The following SLC9A1 variants were observed in gnomAD, a reference collection of about 807,000 sequenced individuals.
SLC9A1 encodes solute carrier family 9 member A1.
A neutral mutation model predicts 67.9 loss-of-function variants in SLC9A1; 22 were observed. The ratio of observed to expected loss-of-function variants is 0.32; its 90% CI spans 0.23 to 0.46. SLC9A1 has a LOEUF of 0.46. SLC9A1 is among the 20% of genes least tolerant of loss of function. SLC9A1 has a pLI of 1.00. For synonymous variants in SLC9A1, 421 were observed against 471.8 expected, an observed-to-expected ratio of 0.89 and a Z score of 1.40; for missense variants, 686 against 1,094.8, an observed-to-expected ratio of 0.63 and a Z score of 5.27.
rs1436403454 is a variant in SLC9A1 at position 27,100,379 on chromosome 1, C to T, written c.2376G>A (p.Gln792=). The T allele has an allele frequency of 6.3e-7, 1 of 1,590,412 alleles. No individual in the cohort carries two copies. Residue 792 remains glutamine (Q), a synonymous_variant, in exon 12 of 12, where the codon CAG becomes CAA. Transcript: ENST00000263980. The surrounding 1 kb of genome is among the most constrained non-coding windows in gnomAD (Gnocchi z 5.6). ...GTGGGCCTGGGTCACTGAGGCAGCG[C>T]TGTATCCTCTGGGAGCTGGGGCTGT... ...PSDSPSSQRI[Q]RCLSDPGPHP...
Position 27,100,597 on chromosome 1 carries a change from C to A in SLC9A1, c.2158G>T (p.Asp720Tyr). The A allele has an allele frequency of 6.2e-7, 1 of 1,613,428 alleles. No homozygotes were observed. Among genetic ancestry groups the A allele is most frequent in the Non-Finnish European group, 8.5e-7 (1 of 1,179,604 alleles). ...TCGGGTGACTGCGGGGAAGCCGGGT[C>A]GATGGTGATGACAGGCAGGTCCTCC... ...PKEDLPVITI[D>Y]PASPQSPESV... The change falls in exon 12 of 12, where the codon GAC becomes TAC. Residue 720 changes from aspartate (D) to tyrosine (Y), a missense_variant. Coordinates refer to ENST00000263980, the MANE Select transcript of SLC9A1 (RefSeq NM_003047.5). The surrounding 1 kb of genome is among the most constrained non-coding windows in gnomAD (Gnocchi z 5.6).
rs77160319 is a variant in SLC9A1 at position 27,108,689 on chromosome 1, C to T, written c.1065-824G>A. ...CGTCTCAAATAAAAAAATGAGAGAT[C>T]TGACTCTAAGAGAAATAGTCACCTC... is the stretch of plus-strand genomic sequence containing the variant. On this transcript the variant is annotated intron_variant, in intron 3 of 11. Coordinates refer to ENST00000263980, the MANE Select transcript of SLC9A1 (RefSeq NM_003047.5). Among the ~76,000 whole-genome samples the T allele has an allele frequency of 7.8e-3, 1,179 of 152,118 alleles. 14 individuals are homozygous for T. Among genetic ancestry groups the T allele is most frequent in the African/African-American group, 0.023 (959 of 41,504 alleles).
intron 2 of SLC9A1, among the ~76,000 whole-genome samples, chr1:27,110,024 T>C (rs2083217269): frequency 1.3e-5 from 2 of 152,234 alleles, no homozygotes; most frequent in Admixed American, 6.5e-5. Context: ...GTGAAGACCC[T>C]GAAGCCAAAC....
intron 1 of SLC9A1, among the ~76,000 whole-genome samples, chr1:27,119,471 T>C (rs2083292230): frequency 6.6e-6 from 1 of 152,154 alleles, no homozygotes; most frequent in African/African-American, 2.4e-5. Context: ...AGTTGCACAA[T>C]GATTCCATTT....
chr1:27,121,044 T>C (rs1277790160), intron 1 of SLC9A1, among the ~76,000 whole-genome samples: 4 of 152,114 alleles, frequency 2.6e-5, no homozygotes, highest in African/African-American at 9.7e-5. Context: ...CTGCAATAAA[T>C]ATGCCTCCCC....
chr1:27,143,683 G>A (rs1348011953), intron 1 of SLC9A1, among the ~76,000 whole-genome samples: 2 of 152,156 alleles, frequency 1.3e-5, no homozygotes, highest in Non-Finnish European at 1.5e-5. Context: ...AGATGAAATC[G>A]ACAGATAGGG....
chr1:27,125,404 C>A (rs1044620939), intron 1 of SLC9A1, among the ~76,000 whole-genome samples: 1 of 150,268 alleles, frequency 6.7e-6, no homozygotes, highest in African/African-American at 2.5e-5. Flanking sequence ...TGCTACCACA[C>A]CTGGCCAATT....
chr1:27,122,793 C>T (rs2083312985), intron 1 of SLC9A1, among the ~76,000 whole-genome samples: 1 of 152,226 alleles, frequency 6.6e-6, no homozygotes, highest in Non-Finnish European at 1.5e-5. Flanking sequence ...TTGCCCCTCC[C>T]CCTGCAGGAA....
rs374974858 is a variant in SLC9A1 at position 27,102,100 on chromosome 1, C to A, written c.1851G>T (p.Glu617Asp). The A allele has an allele frequency of 2.8e-5, 45 of 1,613,930 alleles. No individual in the cohort carries two copies. Among genetic ancestry groups the A allele is most frequent in the Non-Finnish European group, 4.2e-6 (5 of 1,179,986 alleles). Residue 617 changes from glutamate to aspartate, a missense_variant, in exon 9 of 12, where the codon GAG becomes GAT. Physicochemically the swap from Glu to Asp is conservative, Grantham distance 45 (BLOSUM62 2). Coordinates refer to ENST00000263980, the MANE Select transcript of SLC9A1 (RefSeq NM_003047.5). ...QNIHPKSLPS[E>D]RILPALSKDK... ...CCTTGGACAGTGCTGGCAGGATGCGCTCGGAAGGCAGGGACTTGGGGTGGA... is the reference window on the plus strand; with the variant it reads ...CCTTGGACAGTGCTGGCAGGATGCGATCGGAAGGCAGGGACTTGGGGTGGA...
Position 27,106,204 on chromosome 1 carries a change from C to A in SLC9A1, c.1283-117G>T, listed in dbSNP as rs1034965650. The A allele has an allele frequency of 5.3e-5, 36 of 683,026 alleles. No homozygotes were observed. In the African/African-American group the frequency reaches 5.9e-4, roughly 11 times the overall value. 42.3% of individuals were successfully genotyped at this position (683,026 alleles called of 1,614,324 possible). A position where few individuals can be genotyped will look rare whatever the true frequency, so the allele number is the denominator to read the frequency against. The stretch of plus-strand genomic sequence containing the variant: ...GAAGTCTCCATTACGAAGCCCACCC[C>A]GCTCACTCAATTCCTGGGTCCCTCA... On this transcript the variant is annotated intron_variant, in intron 4 of 11. Coordinates refer to ENST00000263980, the MANE Select transcript of SLC9A1 (RefSeq NM_003047.5). This position sits in a 1 kb window ranked among gnomAD's most constrained non-coding sequence, Gnocchi z 4.3.
At chr1:27,102,642 T>C (rs1475925480) in intron 7 of SLC9A1, 31 bp downstream of exon 7, 17 of 1,612,484 alleles carry the variant, frequency 1.1e-5, no homozygotes, top group Non-Finnish European at 1.4e-5. Context: ...TGCCTGCCCC[T>C]CCCTGCCTGC....
chr1:27,148,286 G>A (rs916357651), intron 1 of SLC9A1, among the ~76,000 whole-genome samples: 1 of 152,224 alleles, frequency 6.6e-6, no homozygotes, highest in African/African-American at 2.4e-5. Context: ...CCTCCTTCAT[G>A]CAAATACAGG....
intron 1 of SLC9A1, among the ~76,000 whole-genome samples, chr1:27,123,768 C>G (rs957381476): frequency 3.2e-4 from 48 of 152,086 alleles, no homozygotes; most frequent in African/African-American, 1.1e-3. Flanking sequence ...GCCTTGGCGT[C>G]CCAAAGTGCT....
At chr1:27,119,819 G>A (rs1417365284) in intron 1 of SLC9A1, among the ~76,000 whole-genome samples, 1 of 152,180 alleles carries the variant, frequency 6.6e-6, no homozygotes, top group African/African-American at 2.4e-5. Flanking sequence ...TGTGAGCCTA[G>A]GACTAAAGAG....
At position 27,114,189 on chromosome 1, in the gene SLC9A1, G is replaced by T. The variant is rs1467569903; in HGVS notation, c.450C>A (p.Gly150=). 1.9e-6 allele frequency: 3 copies of T among 1,613,932 alleles called. No individual in the cohort carries two copies. The African/African-American group carries it at 4.0e-5, about 22-fold the overall frequency. The part of the protein sequence containing the change: ...LLVGGLIKGV[G]ETPPFLQSDV... ...CGGACTGCAGGAAGGGGGGTGTCTC[G>T]CCTACACCCTTGATCAGGCCCCCCA... Residue 150 remains glycine (G), a synonymous_variant, in exon 2 of 12, where the codon GGC becomes GGA. Coordinates refer to ENST00000263980, the MANE Select transcript of SLC9A1 (RefSeq NM_003047.5). This position sits in a 1 kb window ranked among gnomAD's most constrained non-coding sequence, Gnocchi z 5.4.
At chr1:27,126,868 C>A (rs184116525) in intron 1 of SLC9A1, among the ~76,000 whole-genome samples, 1 of 152,326 alleles carries the variant, frequency 6.6e-6, no homozygotes, top group East Asian at 1.9e-4. Context: ...ACACTAAGCT[C>A]CAGCTGAATT....
At position 27,102,480 on chromosome 1, in the gene SLC9A1, G is replaced by T; in HGVS notation, c.1725C>A (p.Ala575=). The T allele has an allele frequency of 6.2e-7, 1 of 1,611,388 alleles. No homozygotes were observed. Among genetic ancestry groups the T allele is most frequent in the Non-Finnish European group, 8.5e-7 (1 of 1,178,158 alleles). ...GCTTCATCTCCATCTTGTGGTAGAAGGCAATGAGCTGGGGCTCCTTGGAGC... is the reference window on the plus strand; with the variant it reads ...GCTTCATCTCCATCTTGTGGTAGAATGCAATGAGCTGGGGCTCCTTGGAGC... ...GERSKEPQLI[A]FYHKMEMKQA... The change falls in exon 8 of 12, where the codon GCC becomes GCA. Residue 575 remains alanine (A), a synonymous_variant. Transcript: ENST00000263980.
rs892776040 is a variant in SLC9A1, at chr1:27,118,255, C to T, written c.353-3969G>A. 3.9e-5 allele frequency among the ~76,000 whole-genome samples: 6 copies of T among 152,166 alleles called. No homozygotes were observed. The South Asian group carries it at 6.2e-4, about 16-fold the overall frequency. Reference sequence around the variant, plus strand: ...TCTGGGCCTGAGGGGAGGGCCGGGCCGGGCCAGGCTGAGGAGAAAGGTCTG... The same window carrying T: ...TCTGGGCCTGAGGGGAGGGCCGGGCTGGGCCAGGCTGAGGAGAAAGGTCTG... On this transcript the variant is annotated intron_variant, in intron 1 of 11. Transcript: ENST00000263980. The surrounding 1 kb of genome is among the most constrained non-coding windows in gnomAD (Gnocchi z 4.3).
chr1:27,153,339 T>C (rs2083543228), intron 1 of SLC9A1, among the ~76,000 whole-genome samples: 1 of 152,120 alleles, frequency 6.6e-6, no homozygotes, highest in Admixed American at 6.5e-5. Context: ...ACAGATTCTA[T>C]AAAGTATGGC....
Sources: allele counts gnomAD v4.1 joint callset (sites outside exome capture counted in the v4.1 genomes callset), GRCh38; gene constraint gnomAD v4.1.1; non-coding constraint Gnocchi (gnomAD v3.1); transcripts MANE v1.5; gene names NCBI Gene and HGNC (gene_info 2026-07-23, HGNC 2026-07-21).